COQ6: variants seen among roughly 807,000 people sequenced by gnomAD.
The protein encoded by COQ6 is ubiquinone biosynthesis monooxygenase COQ6, mitochondrial.
Under a neutral mutation model 55.5 loss-of-function variants are expected in COQ6, and 45 were observed. That is an observed-to-expected ratio of 0.81 (90% CI 0.64 to 1.04). COQ6 has a LOEUF of 1.04. COQ6 is among the 50% of genes least tolerant of loss of function. COQ6 has a pLI of 0.00. For missense variants in COQ6, 550 were observed against 601.3 expected, an observed-to-expected ratio of 0.91 and a Z score of 0.89; for synonymous variants, 206 against 230.5, an observed-to-expected ratio of 0.89 and a Z score of 0.96.
At position 73,955,906 on chromosome 14, in the gene COQ6, T is replaced by C. The variant is rs199642294; in HGVS notation, c.459T>C (p.Thr153=). 7.4e-6 allele frequency: 12 copies of C among 1,614,190 alleles called. No individual in the cohort carries two copies. The East Asian group carries it at 2.5e-4, about 33-fold the overall frequency. Residue 153 remains threonine, a synonymous_variant, in exon 4 of 12, where the codon ACT becomes ACC. Transcript: ENST00000334571. ...ATGATGTCATCATGCATGCTCTCAC[T>C]AAGCAGTTGGAGGCTGTGTCTGGTG... ...VENDVIMHAL[T]KQLEAVSDRV...
At chr14:73,953,062 A>T (rs1357700309) in intron 1 of COQ6, among the ~76,000 whole-genome samples, 1 of 152,128 alleles carries the variant, frequency 6.6e-6, no homozygotes, top group African/African-American at 2.4e-5. Flanking sequence ...TTTGAACAGG[A>T]GTTGTAATTT....
chr14:73,958,125 T>G, intron 4 of COQ6, 22 bp from the exon 5 acceptor site: 1 of 1,607,448 alleles, frequency 6.2e-7, no homozygotes, highest in Non-Finnish European at 8.5e-7. Flanking sequence ...TAATTTTTTT[T>G]CCTCTCTTTT....
chr14:73,962,342 C>A (rs1234654276), intron 11 of COQ6, among the ~76,000 whole-genome samples: 1 of 151,876 alleles, frequency 6.6e-6, no homozygotes, highest in African/African-American at 2.4e-5. Flanking sequence ...AGAGTACTTG[C>A]TAGGCTTTTA....
intron 4 of COQ6, among the ~76,000 whole-genome samples, chr14:73,957,709 C>T (rs548739104): frequency 6.6e-6 from 1 of 152,290 alleles, no homozygotes; most frequent in South Asian, 2.1e-4. Context: ...GGATTACGAG[C>T]ATGAGCCACC....
Position 73,956,046 on chromosome 14 carries a change from C to T in COQ6, c.481+118C>T, listed in dbSNP as rs564127894. On this transcript the variant is annotated intron_variant, in intron 4 of 11. Coordinates refer to ENST00000334571, the MANE Select transcript of COQ6 (RefSeq NM_182476.3). ...CACCATAAAGAAATCCTCTGATGGC[C>T]GGGTGCGGTGGCTCACGCCTGTAAT... 3.5e-4 allele frequency: 523 copies of T among 1,481,058 alleles called. 1 individual carries two copies. Among genetic ancestry groups the T allele is most frequent in the South Asian group, 8.6e-4 (76 of 87,868 alleles). 91.7% of individuals were successfully genotyped at this position (1,481,058 alleles called of 1,614,324 possible). A position where few individuals can be genotyped will look rare whatever the true frequency, so the allele number is the denominator to read the frequency against.
At chr14:73,959,285 C>T in intron 7 of COQ6, 61 bp downstream of exon 7, 1 of 1,614,214 alleles carries the variant, frequency 6.2e-7, no homozygotes, top group Non-Finnish European at 8.5e-7. Flanking sequence ...TTCACTTTCT[C>T]TCAGCCTTTT....
intron 2 of COQ6, among the ~76,000 whole-genome samples, chr14:73,954,954 A>ATT (rs560443872): frequency 2.7e-5 from 3 of 109,092 alleles, no homozygotes; most frequent in Admixed American, 1.1e-4. Context: ...TTTTTATTTT[A>ATT]TTTTTTTTTT....
At chr14:73,949,977 C>G, upstream of COQ6, 1 of 1,613,602 alleles carries the variant, frequency 6.2e-7, no homozygotes, top group Non-Finnish European at 8.5e-7. Flanking sequence ...CCTCACCTGA[C>G]GGCTCCCCTC....
chr14:73,953,835 T>C (rs2056296085), intron 2 of COQ6: 2 of 550,464 alleles, frequency 3.6e-6, no homozygotes, highest in Non-Finnish European at 6.5e-6. Flanking sequence ...TGTGTCATTA[T>C]GAATTGGTGG....
At position 73,950,495 on chromosome 14, in the gene COQ6, G is replaced by C; in HGVS notation, c.163G>C (p.Gly55Arg). The change falls in exon 1 of 12, where the codon GGA becomes CGA. Residue 55 changes from glycine (G) to arginine (R), a missense_variant and splice_region_variant. Physicochemically the swap from Gly to Arg is moderately radical, Grantham distance 125. Coordinates refer to ENST00000334571, the MANE Select transcript of COQ6 (RefSeq NM_182476.3). ...LVGAAMACAL[G>R]YDIHFHDKKI... Reference sequence around the variant, plus strand: ...GGGCGCTGCCATGGCCTGTGCCTTGGGTAAGCCCTTCTCCAGGCTACTAGT... The same window carrying C: ...GGGCGCTGCCATGGCCTGTGCCTTGCGTAAGCCCTTCTCCAGGCTACTAGT... The C allele has an allele frequency of 6.2e-7, 1 of 1,604,776 alleles. No individual in the cohort carries two copies. The highest frequency in any genetic ancestry group is 8.5e-7 in the Non-Finnish European group (1 of 1,176,288).
chr14:73,963,237 GA>G lies in COQ6; in HGVS notation c.*242del, dbSNP rs1265524468. The G allele has an allele frequency of 9.6e-5, 55 of 571,264 alleles. No individual in the cohort carries two copies. Among genetic ancestry groups the G allele is most frequent in the Non-Finnish European group, 1.6e-4 (51 of 322,584 alleles). The allele number at this position is 571,264 out of a possible 1,614,324, so 35.4% of individuals were successfully genotyped here. ...TCGAAGGAAGACTTACAATTTGGTT[GA>G]AAAGAGCTTTTTATTACTAAAAAAC... is the stretch of plus-strand genomic sequence containing the variant. On this transcript the variant is annotated 3_prime_UTR_variant, in exon 12 of 12. Transcript: ENST00000334571.
chr14:73,963,126 C>G lies in COQ6; in HGVS notation c.*127C>G, dbSNP rs1566696471. The stretch of plus-strand genomic sequence containing the variant: ...TTTACATTAAAATTCTCTTTTTCTT[C>G]TTTGCTTAATGGGCCTGTGGCACCC... On this transcript the variant is annotated 3_prime_UTR_variant, in exon 12 of 12. Coordinates refer to ENST00000334571, the MANE Select transcript of COQ6 (RefSeq NM_182476.3). 2.3e-6 allele frequency: 2 copies of G among 876,496 alleles called. No homozygotes were observed. The highest frequency in any genetic ancestry group is 3.8e-6 in the Non-Finnish European group (2 of 529,616). 54.3% of individuals were successfully genotyped at this position (876,496 alleles called of 1,614,324 possible). A position where few individuals can be genotyped will look rare whatever the true frequency, so the allele number is the denominator to read the frequency against.
rs2056857633 is a variant in COQ6 at position 73,963,656 on chromosome 14, A to C, written c.*657A>C. 1 of 152,618 alleles carries C rather than the reference A, an allele frequency of 6.6e-6. No homozygotes were observed. The highest frequency in any genetic ancestry group is 2.1e-4 in the South Asian group (1 of 4,842). 9.5% of individuals were successfully genotyped at this position (152,618 alleles called of 1,614,324 possible). On this transcript the variant is annotated 3_prime_UTR_variant, in exon 12 of 12. Coordinates refer to ENST00000334571, the MANE Select transcript of COQ6 (RefSeq NM_182476.3). ...AGGAACCAGATCACAAGGGAAACCG[A>C]TTAGCAGCAGAATTTGTTCATGTTT...
intron 4 of COQ6, among the ~76,000 whole-genome samples, chr14:73,956,949 G>T (rs2140387269): frequency 6.6e-6 from 1 of 152,212 alleles, no homozygotes; most frequent in Non-Finnish European, 1.5e-5. Context: ...TCACACTTGT[G>T]TGTGCATGTA....
rs4903159 is a variant in COQ6 at position 73,953,122 on chromosome 14, G to A, written c.164-313G>A. Among the ~76,000 whole-genome samples the A allele has an allele frequency of 0.67, 102,322 of 152,064 alleles. 34,544 individuals carry two copies. The highest frequency in any genetic ancestry group is 0.77 in the South Asian group (3,708 of 4,826). On this transcript the variant is annotated intron_variant, in intron 1 of 11. Coordinates refer to ENST00000334571, the MANE Select transcript of COQ6 (RefSeq NM_182476.3). ...TGAAAAGAACTGGTGTTTAAATACT[G>A]TAGTCTAACTTTTTTACTTCATTTT...
At chr14:73,958,861 T>A (rs768973567) in intron 5 of COQ6, 110 bp from the exon 6 acceptor site, 4 of 1,551,712 alleles carry the variant, frequency 2.6e-6, no homozygotes, top group Non-Finnish European at 3.5e-6. Flanking sequence ...GATGGAATTA[T>A]CCTGCCACAC....
intron 1 of COQ6, among the ~76,000 whole-genome samples, chr14:73,953,234 C>A (rs768511323): frequency 2.0e-5 from 3 of 152,086 alleles, no homozygotes; most frequent in Non-Finnish European, 4.4e-5. Flanking sequence ...TTGGAGAAGT[C>A]TTACAGTTGT....
chr14:73,955,023 C>T (rs1207096267), intron 2 of COQ6, among the ~76,000 whole-genome samples: 1 of 144,680 alleles, frequency 6.9e-6, no homozygotes, highest in African/African-American at 2.6e-5. Flanking sequence ...ACGATCTCGG[C>T]TCACTGCAAG....
Position 73,958,096 on chromosome 14 carries a change from C to T in COQ6, c.482-51C>T, listed in dbSNP as rs779959751. 1.0e-5 allele frequency: 15 copies of T among 1,461,418 alleles called. No homozygotes were observed. In the Middle Eastern group the frequency reaches 6.9e-4, roughly 67 times the overall value. The allele number at this position is 1,461,418 out of a possible 1,614,324, so 90.5% of individuals were successfully genotyped here. The stretch of plus-strand genomic sequence containing the variant: ...GGTTTAGTTATGGCTTTTTCCTCAG[C>T]CTATGTGGCCCACCTTTCTAATTTT... On this transcript the variant is annotated intron_variant, in intron 4 of 11. Transcript: ENST00000334571.
Sources: allele counts gnomAD v4.1 joint callset (sites outside exome capture counted in the v4.1 genomes callset), GRCh38; gene constraint gnomAD v4.1.1; transcripts MANE v1.5; gene names NCBI Gene and HGNC (gene_info 2026-07-23, HGNC 2026-07-21).